Variants in SNTG2 observed in about 807,000 individuals in gnomAD.
SNTG2 encodes syntrophin gamma 2.
In SNTG2, 74 loss-of-function variants were observed where a neutral mutation model predicts 70.9. That is an observed-to-expected ratio of 1.04 (90% CI 0.86 to 1.27). The LOEUF (loss-of-function observed/expected upper bound fraction) is 1.27. Ranked by LOEUF, SNTG2 falls within the 50% of genes most tolerant of loss-of-function variation. SNTG2 has a pLI of 0.00. For missense variants in SNTG2, 717 were observed against 690.7 expected, an observed-to-expected ratio of 1.04 and a Z score of -0.43; for synonymous variants, 278 against 273.8, an observed-to-expected ratio of 1.02 and a Z score of -0.15.
intron 6 of SNTG2, 80 bp downstream of exon 6, chr2:1,137,889 TGA>T: frequency 7.7e-7 from 1 of 1,304,894 alleles, no homozygotes; most frequent in South Asian, 1.2e-5. Context: ...GATATTTCAC[TGA>T]GTCTATCCAT....
intron 1 of SNTG2, among the ~76,000 whole-genome samples, chr2:951,723 A>G (rs1214827886): frequency 1.3e-5 from 2 of 152,246 alleles, no homozygotes; most frequent in Non-Finnish European, 2.9e-5. Context: ...AGAAAAACGA[A>G]AAGTTCTTGG....
At chr2:1,351,448 A>C (rs1660573782) in intron 16 of SNTG2, among the ~76,000 whole-genome samples, 1 of 152,198 alleles carries the variant, frequency 6.6e-6, no homozygotes, top group Non-Finnish European at 1.5e-5. Flanking sequence ...CAAGGAAAGT[A>C]TCCCAGGAGG....
At chr2:1,124,348 G>A (rs973389139) in intron 4 of SNTG2, among the ~76,000 whole-genome samples, 3 of 150,536 alleles carry the variant, frequency 2.0e-5, no homozygotes, top group African/African-American at 2.5e-5. Context: ...AGGCTGGAGT[G>A]CAGTGGTGCG....
chr2:1,304,160 C>T (rs1456588116), intron 14 of SNTG2, among the ~76,000 whole-genome samples: 1 of 152,092 alleles, frequency 6.6e-6, no homozygotes, highest in Non-Finnish European at 1.5e-5. Flanking sequence ...AACTACAGAC[C>T]AATATTCTCC....
intron 1 of SNTG2, among the ~76,000 whole-genome samples, chr2:973,807 A>G (rs963498172): frequency 6.6e-6 from 1 of 152,120 alleles, no homozygotes; most frequent in African/African-American, 2.4e-5. Flanking sequence ...TTGTCTAGCA[A>G]GCCCCATGGA....
intron 11 of SNTG2, among the ~76,000 whole-genome samples, chr2:1,243,055 C>A (rs1677152347): frequency 6.6e-6 from 1 of 152,194 alleles, no homozygotes; most frequent in South Asian, 2.1e-4. Flanking sequence ...ATGTTTCCAA[C>A]AATAGCAAAG....
intron 1 of SNTG2, among the ~76,000 whole-genome samples, chr2:1,054,118 T>C (rs921286317): frequency 5.3e-5 from 8 of 152,178 alleles, no homozygotes; most frequent in Non-Finnish European, 1.2e-4. Flanking sequence ...GCTGGGGCAC[T>C]GCGGACCCGT....
At chr2:1,051,075 A>T (rs1662030079) in intron 1 of SNTG2, among the ~76,000 whole-genome samples, 1 of 150,818 alleles carries the variant, frequency 6.6e-6, no homozygotes, top group Admixed American at 6.6e-5. Flanking sequence ...CTTTTGGATT[A>T]TCTCCATGCT....
rs1482784164 is a variant in SNTG2, at chr2:1,132,134, A to C, written c.326-5488A>C. Among the ~76,000 whole-genome samples, 10 of 152,308 alleles carry C rather than the reference A, an allele frequency of 6.6e-5. No homozygotes were observed. In the South Asian group the frequency reaches 2.1e-3, roughly 32 times the overall value. On this transcript the variant is annotated intron_variant, in intron 4 of 16. Coordinates refer to ENST00000308624, the MANE Select transcript of SNTG2 (RefSeq NM_018968.4). ...TGAACTGTAAACTTAAAGTTTCAGA[A>C]ATCTTTCATTTTAAAAATAAAATTA...
At chr2:1,000,548 T>C (rs1661831819) in intron 1 of SNTG2, among the ~76,000 whole-genome samples, 1 of 151,758 alleles carries the variant, frequency 6.6e-6, no homozygotes, top group Non-Finnish European at 1.5e-5. Context: ...CTTGGAAATA[T>C]ACAACCTCTC....
chr2:1,058,137 TGC>T (rs1491043615), intron 1 of SNTG2, among the ~76,000 whole-genome samples: 2 of 145,518 alleles, frequency 1.4e-5, no homozygotes, highest in East Asian at 2.6e-4. Flanking sequence ...CATCAGTTGT[TGC>T]TGACTAAGAG....
intron 12 of SNTG2, chr2:1,256,559 T>C (rs1396777547): frequency 1.3e-5 from 2 of 152,216 alleles, no homozygotes; most frequent in Admixed American, 1.3e-4. Flanking sequence ...AGATATTTTC[T>C]AGAGCTATAA....
At chr2:1,276,586 A>G (rs1316858768) in intron 14 of SNTG2, among the ~76,000 whole-genome samples, 1 of 152,236 alleles carries the variant, frequency 6.6e-6, no homozygotes, top group Non-Finnish European at 1.5e-5. Context: ...TTGACAATGC[A>G]ATTGGTCACT....
intron 16 of SNTG2, among the ~76,000 whole-genome samples, chr2:1,358,916 T>C (rs913962908): frequency 3.9e-5 from 6 of 152,146 alleles, no homozygotes; most frequent in Admixed American, 1.3e-4. Flanking sequence ...ATCTAAGACT[T>C]ATTAAAAGGG....
intron 16 of SNTG2, among the ~76,000 whole-genome samples, chr2:1,331,320 A>G (rs950890657): frequency 6.6e-6 from 1 of 152,362 alleles, no homozygotes; most frequent in Admixed American, 6.5e-5. Flanking sequence ...CTGCAATTTT[A>G]AAAGCATGCT....
chr2:1,324,755 A>G (rs1572984583), intron 16 of SNTG2, among the ~76,000 whole-genome samples: 2 of 152,356 alleles, frequency 1.3e-5, no homozygotes, highest in Admixed American at 6.5e-5. Flanking sequence ...GGTTATTTGC[A>G]TAAAGTGCAG....
chr2:1,085,396 G>T (rs1664621462), intron 2 of SNTG2, among the ~76,000 whole-genome samples: 1 of 152,184 alleles, frequency 6.6e-6, no homozygotes, highest in Admixed American at 6.5e-5. Flanking sequence ...GACTCCTTAA[G>T]AAAAATGGGC....
chr2:1,101,398 T>G (rs1665772116), intron 4 of SNTG2, among the ~76,000 whole-genome samples: 1 of 152,202 alleles, frequency 6.6e-6, no homozygotes, highest in South Asian at 2.1e-4. Context: ...TAGAGACACA[T>G]TTATATCCTC....
chr2:1,243,012 G>A (rs986925658), intron 11 of SNTG2, among the ~76,000 whole-genome samples: 4 of 152,152 alleles, frequency 2.6e-5, no homozygotes, highest in African/African-American at 9.7e-5. Context: ...TTTATGAACT[G>A]CATATACCTA....
Sources: allele counts gnomAD v4.1 joint callset (sites outside exome capture counted in the v4.1 genomes callset), GRCh38; gene constraint gnomAD v4.1.1; transcripts MANE v1.5; gene names NCBI Gene and HGNC (gene_info 2026-07-23, HGNC 2026-07-21).